The following SNX29 variants were observed in gnomAD, a reference collection of about 807,000 sequenced individuals.
SNX29 encodes the protein sorting nexin 29, also known as sorting nexin-29.
A neutral mutation model predicts 102.1 loss-of-function variants in SNX29; 78 were observed. That is an observed-to-expected ratio of 0.76 (90% CI 0.64 to 0.92). The LOEUF is 0.92. SNX29 is among the 40% of genes least tolerant of loss of function. SNX29 has a pLI of 0.00. For missense variants in SNX29, 1,280 were observed against 1,061.7 expected (o/e 1.21, Z -2.86); for synonymous variants, 580 against 414.5 (o/e 1.40, Z -4.85).
chr16:12,047,479 C>T (rs1371079242), intron 6 of SNX29, among the ~76,000 whole-genome samples: 3 of 152,032 alleles, frequency 2.0e-5, no homozygotes. Flanking sequence ...AAGTTTCTGT[C>T]CACAGTAATG....
intron 19 of SNX29, among the ~76,000 whole-genome samples, chr16:12,514,662 C>T (rs183585056): frequency 1.2e-3 from 183 of 152,130 alleles, no homozygotes; most frequent in African/African-American, 4.2e-3. Context: ...GCCAGGAGTT[C>T]GAGACCAGCC....
intron 16 of SNX29, among the ~76,000 whole-genome samples, chr16:12,391,966 A>G (rs1040820130): frequency 2.0e-5 from 3 of 152,258 alleles, no homozygotes; most frequent in Non-Finnish European, 2.9e-5. Flanking sequence ...ATAGGAATAG[A>G]TCATCGTCTC....
chr16:12,572,061 T>C lies in SNX29; in HGVS notation c.*3432T>C, dbSNP rs1299729441. ...AGTGGAGTTGTAAACAAGGGAACCATCTTGCAAGATCTAGGAAGAGGAAGG... is the reference window on the plus strand; with the variant it reads ...AGTGGAGTTGTAAACAAGGGAACCACCTTGCAAGATCTAGGAAGAGGAAGG... On this transcript the variant is annotated 3_prime_UTR_variant, in exon 21 of 21. Transcript: ENST00000566228. The C allele has an allele frequency of 2.1e-5, 22 of 1,063,256 alleles. No homozygotes were observed. Among genetic ancestry groups the C allele is most frequent in the Admixed American group, 5.4e-5 (1 of 18,656 alleles). The allele number at this position is 1,063,256 out of a possible 1,614,324, so 65.9% of individuals were successfully genotyped here. A position where few individuals can be genotyped will look rare whatever the true frequency, so the allele number is the denominator to read the frequency against.
intron 18 of SNX29, among the ~76,000 whole-genome samples, chr16:12,423,626 A>G (rs1597330115): frequency 6.6e-6 from 1 of 152,004 alleles, no homozygotes; most frequent in East Asian, 1.9e-4. Flanking sequence ...GCTGGAGTGC[A>G]GTGGCGCCAT....
At chr16:12,172,038 C>G (rs1006044590) in intron 13 of SNX29, among the ~76,000 whole-genome samples, 6 of 152,200 alleles carry the variant, frequency 3.9e-5, no homozygotes, top group African/African-American at 1.2e-4. Context: ...TACGTTACCA[C>G]TTATTTTTCT....
At chr16:12,547,735 C>G (rs1007640781) in intron 20 of SNX29, among the ~76,000 whole-genome samples, 1 of 152,158 alleles carries the variant, frequency 6.6e-6, no homozygotes, top group African/African-American at 2.4e-5. Flanking sequence ...ATCACTGCCC[C>G]TCTAAGCCTC....
chr16:12,158,225 G>C (rs1000445550), intron 13 of SNX29, among the ~76,000 whole-genome samples: 1 of 151,528 alleles, frequency 6.6e-6, no homozygotes, highest in Non-Finnish European at 1.5e-5. Context: ...TTTGAGAGAG[G>C]GTCTCGCTCT....
intron 15 of SNX29, among the ~76,000 whole-genome samples, chr16:12,305,324 G>A (rs775640859): frequency 6.6e-5 from 10 of 152,270 alleles, no homozygotes; most frequent in Non-Finnish European, 1.5e-4. Flanking sequence ...CGGCCACGGA[G>A]TGGTATCAGG....
intron 20 of SNX29, among the ~76,000 whole-genome samples, chr16:12,535,800 A>C (rs2077059941): frequency 1.3e-5 from 2 of 152,044 alleles, no homozygotes; most frequent in Admixed American, 1.3e-4. Context: ...GGCCGCAGCC[A>C]CTGTGTAAGC....
chr16:12,236,392 G>A (rs1033451648), intron 14 of SNX29, among the ~76,000 whole-genome samples: 1 of 152,106 alleles, frequency 6.6e-6, no homozygotes, highest in African/African-American at 2.4e-5. Context: ...TTCATTTCTC[G>A]CTATTCTTCT....
chr16:12,453,773 G>A (rs199609459), intron 18 of SNX29, among the ~76,000 whole-genome samples: 1 of 152,098 alleles, frequency 6.6e-6, no homozygotes, highest in Admixed American at 6.6e-5. Flanking sequence ...GCTTGATATT[G>A]TCATTTATCT....
intron 14 of SNX29, among the ~76,000 whole-genome samples, chr16:12,265,835 A>C (rs1011514434): frequency 5.3e-5 from 8 of 152,070 alleles, no homozygotes; most frequent in African/African-American, 1.7e-4. Context: ...GACTGCAGTA[A>C]GCCATGATTG....
intron 20 of SNX29, among the ~76,000 whole-genome samples, chr16:12,546,119 T>A (rs1278387362): frequency 6.6e-6 from 1 of 152,082 alleles, no homozygotes. Flanking sequence ...CAATGTATTC[T>A]CCCCATCCAC....
chr16:12,297,878 A>G (rs1031557402), intron 15 of SNX29, among the ~76,000 whole-genome samples: 6 of 152,160 alleles, frequency 3.9e-5, no homozygotes, highest in African/African-American at 1.4e-4. Flanking sequence ...GAACAATAAT[A>G]GCACTTATGG....
chr16:12,324,955 T>G (rs1159221884), intron 15 of SNX29, among the ~76,000 whole-genome samples: 1 of 152,140 alleles, frequency 6.6e-6, no homozygotes, highest in Non-Finnish European at 1.5e-5. Context: ...TGGGTGGCTT[T>G]ACTCAGGAGG....
chr16:12,001,235 A>C (rs916322623), intron 2 of SNX29, among the ~76,000 whole-genome samples: 1 of 151,892 alleles, frequency 6.6e-6, no homozygotes, highest in African/African-American at 2.4e-5. Context: ...CCTCAGCCTC[A>C]TGAGTAGCTG....
chr16:12,104,391 AC>A (rs2053145737), intron 11 of SNX29, among the ~76,000 whole-genome samples: 1 of 152,136 alleles, frequency 6.6e-6, no homozygotes, highest in Non-Finnish European at 1.5e-5. Context: ...CCCCATCTCT[AC>A]TAAAAATACA....
At chr16:12,171,130 C>T (rs1462558862) in intron 13 of SNX29, among the ~76,000 whole-genome samples, 1 of 152,112 alleles carries the variant, frequency 6.6e-6, no homozygotes, top group South Asian at 2.1e-4. Context: ...GGGACAGCCT[C>T]ACCCTCCTGC....
At chr16:12,260,322 A>G (rs2078696733) in intron 14 of SNX29, among the ~76,000 whole-genome samples, 1 of 152,152 alleles carries the variant, frequency 6.6e-6, no homozygotes, top group Non-Finnish European at 1.5e-5. Flanking sequence ...GATTTCCAAC[A>G]TGAATTGTGT....
Sources: gnomAD v4.1 joint callset for allele counts (sites outside exome capture counted in the v4.1 genomes callset) on GRCh38, gnomAD v4.1.1 for gene constraint, MANE v1.5 for transcripts, NCBI Gene and HGNC (gene_info 2026-07-23, HGNC 2026-07-21) for gene names.